The following PTPRJ variants were observed in gnomAD, a reference collection of about 807,000 sequenced individuals.
PTPRJ encodes protein tyrosine phosphatase receptor type J, also known as receptor-type tyrosine-protein phosphatase eta.
PTPRJ carries 129 observed loss-of-function variants against 141.3 expected under a neutral mutation model. That is an observed-to-expected ratio of 0.91 (90% CI 0.79 to 1.06). PTPRJ has a LOEUF of 1.06. Among genes scored for constraint, PTPRJ ranks in the 50% least tolerant of loss-of-function variants. The probability of loss-of-function intolerance (pLI) is 0.00; values close to 1 mark genes in which losing one functional copy is unlikely to be tolerated. For synonymous variants in PTPRJ, 610 were observed against 640.5 expected, an observed-to-expected ratio of 0.95 and a Z score of 0.72; for missense variants, 1,601 against 1,679.7, an observed-to-expected ratio of 0.95 and a Z score of 0.82.
intron 1 of PTPRJ, among the ~76,000 whole-genome samples, chr11:48,039,203 C>G (rs2134233949): frequency 6.7e-6 from 1 of 150,308 alleles, no homozygotes. Flanking sequence ...TTTTTTTGAG[C>G]ACTTGCTATG....
At chr11:48,151,179 G>A (rs1230630109) in intron 18 of PTPRJ, among the ~76,000 whole-genome samples, 1 of 151,984 alleles carries the variant, frequency 6.6e-6, no homozygotes, top group East Asian at 1.9e-4. Flanking sequence ...CTGTCTAGAG[G>A]CCACAAGTCC....
chr11:48,074,499 G>T (rs1161779029), intron 1 of PTPRJ, among the ~76,000 whole-genome samples: 2 of 152,194 alleles, frequency 1.3e-5, no homozygotes, highest in Non-Finnish European at 2.9e-5. Context: ...ATCATTTAGG[G>T]AGTGGCAAAG....
At chr11:48,111,158 T>C (rs1468352468) in intron 2 of PTPRJ, among the ~76,000 whole-genome samples, 1 of 151,414 alleles carries the variant, frequency 6.6e-6, no homozygotes, top group Non-Finnish European at 1.5e-5. Flanking sequence ...CATGCACCTG[T>C]AATCCCAGCT....
At chr11:48,118,409 T>C (rs1049511574) in intron 3 of PTPRJ, among the ~76,000 whole-genome samples, 1 of 152,166 alleles carries the variant, frequency 6.6e-6, no homozygotes, top group Non-Finnish European at 1.5e-5. Flanking sequence ...GAAGATCTAA[T>C]GACAGTTCTT....
intron 1 of PTPRJ, among the ~76,000 whole-genome samples, chr11:48,024,930 G>A (rs546192746): frequency 1.3e-5 from 2 of 152,340 alleles, no homozygotes; most frequent in East Asian, 1.9e-4. Flanking sequence ...CAGAGCTCTC[G>A]GGTGATAGAA....
At chr11:48,138,109 G>C (rs549071351) in intron 10 of PTPRJ, among the ~76,000 whole-genome samples, 1 of 152,288 alleles carries the variant, frequency 6.6e-6, no homozygotes, top group African/African-American at 2.4e-5. Flanking sequence ...AGGCCATTCA[G>C]ATATGTTCAG....
At chr11:48,042,046 CA>C (rs1412404691) in intron 1 of PTPRJ, among the ~76,000 whole-genome samples, 1 of 151,850 alleles carries the variant, frequency 6.6e-6, no homozygotes, top group Non-Finnish European at 1.5e-5. Flanking sequence ...AAATAGTTTG[CA>C]TTTACACGAA....
intron 1 of PTPRJ, among the ~76,000 whole-genome samples, chr11:48,086,476 A>G (rs563609124): frequency 4.6e-5 from 7 of 152,322 alleles, no homozygotes; most frequent in Admixed American, 1.3e-4. Context: ...CCAGCCCAGA[A>G]AGGACATTTA....
chr11:48,053,431 ATATATAT>A (rs1202116643), intron 1 of PTPRJ, among the ~76,000 whole-genome samples: 3 of 112,946 alleles, frequency 2.7e-5, no homozygotes, highest in East Asian at 2.2e-4. Flanking sequence ...TATGTATAAA[ATATATAT>A]TATATATTAT....
intron 1 of PTPRJ, among the ~76,000 whole-genome samples, chr11:48,024,865 G>C (rs914888045): frequency 2.0e-5 from 3 of 152,230 alleles, no homozygotes; most frequent in African/African-American, 4.8e-5. Context: ...TGCATTTCTT[G>C]AGCTGTGCTT....
At chr11:48,081,520 C>T (rs1855556645) in intron 1 of PTPRJ, among the ~76,000 whole-genome samples, 1 of 152,116 alleles carries the variant, frequency 6.6e-6, no homozygotes, top group African/African-American at 2.4e-5. Context: ...GCTAAATATG[C>T]CCCTTTCGTC....
chr11:48,100,888 GAA>G (rs71457246), intron 1 of PTPRJ, among the ~76,000 whole-genome samples: 40 of 90,354 alleles, frequency 4.4e-4, no homozygotes, highest in Admixed American at 2.5e-3. Flanking sequence ...GTCTCAAAAA[GAA>G]AAAAAAAAAA....
intron 21 of PTPRJ, among the ~76,000 whole-genome samples, chr11:48,157,833 T>G (rs1385668287): frequency 1.3e-5 from 2 of 152,160 alleles, no homozygotes; most frequent in Non-Finnish European, 2.9e-5. Context: ...GAATAGGCTG[T>G]AATAGAAATA....
intron 1 of PTPRJ, among the ~76,000 whole-genome samples, chr11:48,076,443 G>T (rs1256049965): frequency 6.6e-6 from 1 of 152,164 alleles, no homozygotes; most frequent in East Asian, 1.9e-4. Context: ...AGTTGGTCTG[G>T]AGTTACTCTG....
intron 24 of PTPRJ, 42 bp downstream of exon 24, chr11:48,164,557 C>CTTTTT: frequency 8.5e-7 from 1 of 1,181,262 alleles, no homozygotes. Flanking sequence ...CCTTCCCCTC[C>CTTTTT]ATTTTTTTTT....
intron 1 of PTPRJ, among the ~76,000 whole-genome samples, chr11:48,018,585 T>C (rs974662069): frequency 3.3e-5 from 5 of 152,210 alleles, no homozygotes; most frequent in South Asian, 2.1e-4. Flanking sequence ...ATTAAAAATA[T>C]AAATACAGTC....
chr11:48,008,036 A>G (rs746618189), intron 1 of PTPRJ, among the ~76,000 whole-genome samples: 1 of 152,092 alleles, frequency 6.6e-6, no homozygotes, highest in Non-Finnish European at 1.5e-5. Flanking sequence ...TCAGTAACGT[A>G]TCTATTTTTG....
At chr11:48,000,326 G>T (rs1175393250) in intron 1 of PTPRJ, among the ~76,000 whole-genome samples, 1 of 149,148 alleles carries the variant, frequency 6.7e-6, no homozygotes, top group Non-Finnish European at 1.5e-5. Flanking sequence ...TTTTTTTTTT[G>T]TAGAGATGGG....
chr11:48,075,242 C>G (rs1855371804), intron 1 of PTPRJ, among the ~76,000 whole-genome samples: 1 of 150,268 alleles, frequency 6.7e-6, no homozygotes, highest in Non-Finnish European at 1.5e-5. Context: ...CTCCTGGGTT[C>G]AGGTGATTTT....
Sources: allele counts gnomAD v4.1 joint callset (sites outside exome capture counted in the v4.1 genomes callset), GRCh38; gene constraint gnomAD v4.1.1; transcripts MANE v1.5; gene names NCBI Gene and HGNC (gene_info 2026-07-23, HGNC 2026-07-21).